Variants in TEP1 observed in about 807,000 individuals in gnomAD.
TEP1 encodes the protein telomerase associated protein 1, also known as telomerase protein component 1.
TEP1 carries 241 observed loss-of-function variants against 306.3 expected under a neutral mutation model. The observed-to-expected ratio is 0.79, with a 90% confidence interval of 0.71 to 0.88. The LOEUF (loss-of-function observed/expected upper bound fraction) is 0.88, where lower values mean the gene tolerates loss of function less well. Among genes scored for constraint, TEP1 ranks in the 40% least tolerant of loss-of-function variants. TEP1 has a pLI of 0.00. For synonymous variants in TEP1, 1,289 were observed against 1,305.5 expected (o/e 0.99, Z 0.27); for missense variants, 3,051 against 3,276.1 (o/e 0.93, Z 1.68).
intron 51 of TEP1, 22 bp downstream of exon 51, chr14:20,371,196 C>G (rs373687354): frequency 4.1e-5 from 65 of 1,600,164 alleles, no homozygotes; most frequent in Non-Finnish European, 5.2e-5. Flanking sequence ...TTTGCTTTAG[C>G]ACACACTCAA....
Position 20,383,244 on chromosome 14 carries a change from C to A in TEP1, c.3977G>T (p.Arg1326Leu). 1 of 1,614,018 alleles carries A rather than the reference C, an allele frequency of 6.2e-7. No homozygotes were observed. The highest frequency in any genetic ancestry group is 8.5e-7 in the Non-Finnish European group (1 of 1,179,990). ...CAGCTCCTCTCTCACCAGCCGGGCC[C>A]GAGCAGAGGCCTCCAGAGGCCCCAA... is the stretch of plus-strand genomic sequence containing the variant. ...LALGPLEASA[R>L]ARLVREELAL... is the part of the protein sequence containing the mutation. Residue 1326 changes from arginine to leucine, a missense_variant, in exon 27 of 55, where the codon CGG becomes CTG. By Grantham distance (102) the Arg-to-Leu change is moderately radical. Transcript: ENST00000262715.
At position 20,403,734 on chromosome 14, in the gene TEP1, G is replaced by A. The variant is rs754980670; in HGVS notation, c.1183C>T (p.Pro395Ser). Residue 395 changes from proline (P) to serine (S), a missense_variant, in exon 6 of 55, where the codon CCC becomes TCC. Physicochemically the swap from Pro to Ser is moderately conservative, Grantham distance 74 (BLOSUM62 -1). Transcript: ENST00000262715. The stretch of plus-strand genomic sequence containing the variant: ...GGGCAGTGACTGACTGGAGAGCGGG[G>A]TGGCCGGCGGGGGTGTCTCTTGGCC... ...HRAKRHPRRP[P>S]RSPGMEPPFS... 2 of 1,613,770 alleles carry A rather than the reference G, an allele frequency of 1.2e-6. No homozygotes were observed. The highest frequency in any genetic ancestry group is 1.1e-5 in the South Asian group (1 of 91,062).
rs138200133 is a variant in TEP1, at chr14:20,384,733, A to G, written c.3108-20T>C. The G allele has an allele frequency of 8.1e-4, 1,305 of 1,605,208 alleles. 4 individuals carry two copies. The highest frequency in any genetic ancestry group is 5.7e-3 in the African/African-American group (427 of 74,900). Reference sequence around the variant, plus strand: ...ACAGAGCTGACCACCAAAGACCCCAAAAGTTGGAATAGACTCAGACCCCAG... The same window carrying G: ...ACAGAGCTGACCACCAAAGACCCCAGAAGTTGGAATAGACTCAGACCCCAG... On this transcript the variant is annotated intron_variant, in intron 21 of 54. Transcript: ENST00000262715.
intron 3 of TEP1, 45 bp downstream of exon 3, chr14:20,406,188 C>T (rs759565225): frequency 2.5e-6 from 4 of 1,603,052 alleles, no homozygotes; most frequent in Admixed American, 3.4e-5. Flanking sequence ...CACCAACCTC[C>T]CCTCCACACC....
chr14:20,389,437 T>G, intron 16 of TEP1, 140 bp from the exon 17 acceptor site: 2 of 1,427,062 alleles, frequency 1.4e-6, no homozygotes, highest in Non-Finnish European at 2.0e-6. Flanking sequence ...GGGTGGACTC[T>G]CACAGAGGGG....
At chr14:20,406,111 T>A (rs997706119) in intron 3 of TEP1, 122 bp downstream of exon 3, 6 of 753,884 alleles carry the variant, frequency 8.0e-6, no homozygotes, top group South Asian at 5.8e-5. Flanking sequence ...AAGTGAGAAA[T>A]AAGAGCTAGG....
chr14:20,372,657 G>A, intron 49 of TEP1, 76 bp downstream of exon 49: 3 of 1,598,814 alleles, frequency 1.9e-6, no homozygotes, highest in Non-Finnish European at 2.6e-6. Flanking sequence ...AGAAGCAGAA[G>A]TGCAGTAATT....
chr14:20,378,364 C>A lies in TEP1; in HGVS notation c.5508+16G>T. On this transcript the variant is annotated intron_variant, in intron 38 of 54. Coordinates refer to ENST00000262715, the MANE Select transcript of TEP1 (RefSeq NM_007110.5). ...CCTCCTGTGCTTCCCCCAAGAGCAA[C>A]ACTGGACCTTCTTACCTTGGTGACT... 1 of 1,614,218 alleles carries A rather than the reference C, an allele frequency of 6.2e-7. No homozygotes were observed. Among genetic ancestry groups the A allele is most frequent in the Middle Eastern group, 1.6e-4 (1 of 6,062 alleles).
Position 20,400,921 on chromosome 14 carries a change from C to A in TEP1, c.1549+63G>T, listed in dbSNP as rs1878662681. 2.5e-6 allele frequency: 4 copies of A among 1,570,786 alleles called. No homozygotes were observed. In the East Asian group the frequency reaches 9.0e-5, roughly 35 times the overall value. On this transcript the variant is annotated intron_variant, in intron 9 of 54. Coordinates refer to ENST00000262715, the MANE Select transcript of TEP1 (RefSeq NM_007110.5). The stretch of plus-strand genomic sequence containing the variant: ...TCCACAGAAATCTTCTAGTGAGGAT[C>A]TAAAATGTGGAGGCATAAATGGGGA...
intron 43 of TEP1, 88 bp downstream of exon 43, chr14:20,375,666 AT>A (rs1267548890): frequency 1.0e-5 from 8 of 769,344 alleles, no homozygotes; most frequent in Non-Finnish European, 1.8e-5. Context: ...ACTATTATTA[AT>A]GGGTGCCAGA....
At chr14:20,394,542 C>T (rs897398098) in intron 12 of TEP1, among the ~76,000 whole-genome samples, 89 of 139,786 alleles carry the variant, frequency 6.4e-4, no homozygotes, top group Admixed American at 1.1e-3. Flanking sequence ...TGCAATGGCG[C>T]GATCTCAGCT....
chr14:20,377,170 G>T, intron 41 of TEP1, 110 bp downstream of exon 41: 1 of 904,468 alleles, frequency 1.1e-6, no homozygotes, highest in Non-Finnish European at 1.6e-6. Flanking sequence ...AGCCGAGACC[G>T]TACCACTGCA....
intron 12 of TEP1, among the ~76,000 whole-genome samples, chr14:20,393,812 T>A (rs867765198): frequency 6.7e-6 from 1 of 150,192 alleles, no homozygotes; most frequent in African/African-American, 2.5e-5. Context: ...CCAGGGTGCT[T>A]AGCTAATGCC....
chr14:20,367,405 CAG>C lies in TEP1; in HGVS notation c.*1030_*1031del, dbSNP rs1269417111. On this transcript the variant is annotated 3_prime_UTR_variant, in exon 55 of 55. Coordinates refer to ENST00000262715, the MANE Select transcript of TEP1 (RefSeq NM_007110.5). ...AAAAAGGTTTTTTACTTAAGAAAAT[CAG>C]AGTTCATGGCTATGATTGTGCCACC... 6.7e-6 allele frequency: 1 copy of C among 149,902 alleles called. No homozygotes were observed. The highest frequency in any genetic ancestry group is 2.5e-5 in the African/African-American group (1 of 40,632). 9.3% of individuals were successfully genotyped at this position (149,902 alleles called of 1,614,324 possible). A position where few individuals can be genotyped will look rare whatever the true frequency, so the allele number is the denominator to read the frequency against.
rs962396730 is a variant in TEP1, at chr14:20,395,638, A to G, written c.1751-11T>C. On this transcript the variant is annotated splice_polypyrimidine_tract_variant and intron_variant, in intron 11 of 54. Transcript: ENST00000262715. ...AAGGAAAGGGCAATGCTGTATGATG[A>G]CAGGTAAATTTCCGAGTTAGGCAGC... The G allele has an allele frequency of 1.4e-5, 22 of 1,588,510 alleles. No homozygotes were observed. Among genetic ancestry groups the G allele is most frequent in the Non-Finnish European group, 1.9e-5 (22 of 1,159,456 alleles).
chr14:20,399,853 T>C (rs905512998), intron 9 of TEP1, among the ~76,000 whole-genome samples: 2 of 151,738 alleles, frequency 1.3e-5, no homozygotes. Flanking sequence ...GAAGTGGAGA[T>C]GGGTGCATAT....
In TEP1 at chr14:20,386,150, A is replaced by C. The variant is rs769241251; in HGVS notation, c.2907T>G (p.Phe969Leu). 5 of 1,613,596 alleles carry C rather than the reference A, an allele frequency of 3.1e-6. No homozygotes were observed. The East Asian group carries it at 8.9e-5, about 29-fold the overall frequency. Residue 969 changes from phenylalanine (F) to leucine (L), a missense_variant, in exon 20 of 55, where the codon TTT becomes TTG. Coordinates refer to ENST00000262715, the MANE Select transcript of TEP1 (RefSeq NM_007110.5). ...CATAACGGGAGCCCAGAATCCCCAC[A>C]AACAGCTGTGCGTTCTCCACCTCCC... Reference protein sequence around the residue: ...CLGEVENAQLFVGILGSRYGY... With the variant: ...CLGEVENAQLLVGILGSRYGY...
intron 51 of TEP1, among the ~76,000 whole-genome samples, chr14:20,370,941 C>A (rs1005512889): frequency 6.6e-6 from 1 of 152,118 alleles, no homozygotes; most frequent in Admixed American, 6.6e-5. Context: ...AGGGGCAAGA[C>A]AAGAGAGACA....
chr14:20,384,239 G>A lies in TEP1; in HGVS notation c.3340-7C>T, dbSNP rs1388437016. The A allele has an allele frequency of 7.4e-6, 12 of 1,613,092 alleles. No homozygotes were observed. The highest frequency in any genetic ancestry group is 5.3e-5 in the African/African-American group (4 of 74,898). On this transcript the variant is annotated splice_polypyrimidine_tract_variant and splice_region_variant and intron_variant, in intron 23 of 54. Transcript: ENST00000262715. Reference sequence around the variant, plus strand: ...GCTCCAGCAGGGCCCCAGGCTGAGGGTAAATGGGTCAGTGACTATCCATGG... The same window carrying A: ...GCTCCAGCAGGGCCCCAGGCTGAGGATAAATGGGTCAGTGACTATCCATGG...
Sources: gnomAD v4.1 joint callset for allele counts (sites outside exome capture counted in the v4.1 genomes callset) on GRCh38, gnomAD v4.1.1 for gene constraint, MANE v1.5 for transcripts, NCBI Gene and HGNC (gene_info 2026-07-23, HGNC 2026-07-21) for gene names.